FUT9: variants seen among roughly 807,000 people sequenced by gnomAD.
FUT9 encodes the protein fucosyltransferase 9, also known as 4-galactosyl-N-acetylglucosaminide 3-alpha-L-fucosyltransferase 9.
A neutral mutation model predicts 29.7 loss-of-function variants in FUT9; 15 were observed. The ratio of observed to expected loss-of-function variants is 0.51; its 90% confidence interval spans 0.34 to 0.78. The LOEUF is 0.78. FUT9 is among the 30% of genes least tolerant of loss of function. The pLI, the probability that FUT9 is intolerant of heterozygous loss-of-function variation, is 0.01. For missense variants in FUT9, 319 were observed against 425.4 expected, an observed-to-expected ratio of 0.75 and a Z score of 2.20; for synonymous variants, 169 against 153.7, an observed-to-expected ratio of 1.10 and a Z score of -0.74.
chr6:96,077,472 C>T (rs1771158110), intron 1 of FUT9, among the ~76,000 whole-genome samples: 1 of 152,066 alleles, frequency 6.6e-6, no homozygotes, highest in African/African-American at 2.4e-5. Context: ...TATCAAAAGC[C>T]TTTTAATGTA....
At chr6:96,119,326 T>C (rs1388058099) in intron 2 of FUT9, among the ~76,000 whole-genome samples, 46 of 152,298 alleles carry the variant, frequency 3.0e-4, no homozygotes, top group Admixed American at 3.0e-3. Flanking sequence ...TGTGTTAAAA[T>C]TTCCTAAAGC....
chr6:96,089,710 T>C lies in FUT9; in HGVS notation c.-97-24329T>C, dbSNP rs1243017847. On this transcript the variant is annotated intron_variant, in intron 1 of 2. Transcript: ENST00000302103. Reference sequence around the variant, plus strand: ...ACGCCTTTCTATCCAATAACTTGTATTGAAATACTGCCCTACCAACACAAA... The same window carrying C: ...ACGCCTTTCTATCCAATAACTTGTACTGAAATACTGCCCTACCAACACAAA... 2.0e-5 allele frequency among the ~76,000 whole-genome samples: 3 copies of C among 152,096 alleles called. No individual in the cohort carries two copies. In the East Asian group the frequency reaches 5.8e-4, roughly 29 times the overall value.
At chr6:96,108,045 C>T (rs1181507501) in intron 1 of FUT9, among the ~76,000 whole-genome samples, 1 of 149,166 alleles carries the variant, frequency 6.7e-6, no homozygotes, top group Non-Finnish European at 1.5e-5. Flanking sequence ...ACCTTTAAAT[C>T]ATCTAGCTCA....
chr6:96,147,992 T>C (rs2127975680), intron 2 of FUT9, among the ~76,000 whole-genome samples: 1 of 151,816 alleles, frequency 6.6e-6, no homozygotes, highest in East Asian at 1.9e-4. Context: ...AAATTAGTTT[T>C]AGAAACACTA....
At chr6:96,195,879 A>T (rs1363129716) in intron 2 of FUT9, among the ~76,000 whole-genome samples, 1 of 152,198 alleles carries the variant, frequency 6.6e-6, no homozygotes, top group South Asian at 2.1e-4. Flanking sequence ...CAATGATTAT[A>T]TGGGGAGCAA....
chr6:96,021,266 T>TTTGTTGTTGTTG (rs1554187068), intron 1 of FUT9, among the ~76,000 whole-genome samples: 22 of 151,946 alleles, frequency 1.4e-4, no homozygotes, highest in African/African-American at 5.1e-4. Context: ...GACAGAGTTT[T>TTTGTTGTTGTTG]TTGTTGTTGT....
intron 1 of FUT9, among the ~76,000 whole-genome samples, chr6:96,096,037 C>T (rs532525044): frequency 1.3e-5 from 2 of 152,182 alleles, no homozygotes; most frequent in South Asian, 4.1e-4. Flanking sequence ...GGGATTTCTG[C>T]TACAAACTTG....
At chr6:96,073,560 G>C (rs1184912332) in intron 1 of FUT9, among the ~76,000 whole-genome samples, 2 of 152,170 alleles carry the variant, frequency 1.3e-5, no homozygotes, top group Admixed American at 1.3e-4. Flanking sequence ...TAGGATATAG[G>C]ATAAGCAGGT....
intron 1 of FUT9, among the ~76,000 whole-genome samples, chr6:96,061,780 C>A (rs998868542): frequency 1.4e-4 from 21 of 152,102 alleles, no homozygotes; most frequent in African/African-American, 4.6e-4. Flanking sequence ...CTCTCTGGTG[C>A]TAATTACCCA....
intron 2 of FUT9, among the ~76,000 whole-genome samples, chr6:96,119,587 T>C (rs1562131714): frequency 6.6e-6 from 1 of 152,232 alleles, no homozygotes; most frequent in Non-Finnish European, 1.5e-5. Flanking sequence ...AATAACAATG[T>C]TCCCTGCTGC....
intron 2 of FUT9, among the ~76,000 whole-genome samples, chr6:96,127,535 T>C (rs1238716568): frequency 6.6e-6 from 1 of 152,168 alleles, no homozygotes; most frequent in African/African-American, 2.4e-5. Flanking sequence ...GAATTATTTA[T>C]CTTTGTTTAG....
chr6:96,043,508 T>G (rs1182585546), intron 1 of FUT9, among the ~76,000 whole-genome samples: 1 of 152,230 alleles, frequency 6.6e-6, no homozygotes, highest in Non-Finnish European at 1.5e-5. Context: ...AATGCCAATA[T>G]TATTTTATTT....
At chr6:96,195,904 C>G (rs1213225523) in intron 2 of FUT9, among the ~76,000 whole-genome samples, 1 of 152,050 alleles carries the variant, frequency 6.6e-6, no homozygotes, top group East Asian at 1.9e-4. Context: ...TTCTTTGAAC[C>G]TGCATAAACA....
chr6:96,185,159 T>C (rs536665987), intron 2 of FUT9, among the ~76,000 whole-genome samples: 187 of 151,756 alleles, frequency 1.2e-3, no homozygotes, highest in African/African-American at 4.4e-3. Context: ...AATTTTTTTT[T>C]TTAACAGAAG....
chr6:96,043,213 G>A (rs1188575137), intron 1 of FUT9, among the ~76,000 whole-genome samples: 18 of 151,984 alleles, frequency 1.2e-4, no homozygotes, highest in South Asian at 2.1e-4. Context: ...CACCACGCCC[G>A]GCTAATTTTT....
chr6:96,164,153 A>G (rs1046172569), intron 2 of FUT9, among the ~76,000 whole-genome samples: 1 of 150,522 alleles, frequency 6.6e-6, no homozygotes, highest in Non-Finnish European at 1.5e-5. Context: ...GTATTCAAAG[A>G]TTTTCTGAAT....
chr6:96,200,359 GTAT>G (rs1468148422), intron 2 of FUT9, among the ~76,000 whole-genome samples: 1 of 152,156 alleles, frequency 6.6e-6, no homozygotes, highest in Non-Finnish European at 1.5e-5. Context: ...ATTCACGTTT[GTAT>G]TATTTGTTCA....
chr6:96,129,310 T>G (rs1448176605), intron 2 of FUT9, among the ~76,000 whole-genome samples: 24 of 140,444 alleles, frequency 1.7e-4, no homozygotes, highest in South Asian at 4.6e-4. Flanking sequence ...CCAGCCATGG[T>G]GGCATGTGCC....
chr6:96,107,390 GTCTC>G (rs1056171112), intron 1 of FUT9, among the ~76,000 whole-genome samples: 2 of 152,006 alleles, frequency 1.3e-5, no homozygotes, highest in African/African-American at 2.4e-5. Flanking sequence ...ACGATATACT[GTCTC>G]TCTATTTTAG....
Sources: allele counts gnomAD v4.1 joint callset (sites outside exome capture counted in the v4.1 genomes callset), GRCh38; gene constraint gnomAD v4.1.1; transcripts MANE v1.5; gene names NCBI Gene and HGNC (gene_info 2026-07-23, HGNC 2026-07-21).